The following AVEN variants were observed in gnomAD, a reference collection of about 807,000 sequenced individuals.
AVEN encodes the protein cell death regulator Aven.
Under a neutral mutation model 38.1 loss-of-function variants are expected in AVEN, and 41 were observed. That is an observed-to-expected ratio of 1.08 (90% CI 0.84 to 1.40). The LOEUF is 1.40. AVEN is among the 40% of genes most tolerant of loss of function. AVEN has a pLI of 0.00. For synonymous variants in AVEN, 206 were observed against 171.8 expected, an observed-to-expected ratio of 1.20 and a Z score of -1.56; for missense variants, 605 against 438.8, an observed-to-expected ratio of 1.38 and a Z score of -3.38.
chr15:33,866,860 G>A, intron 5 of AVEN, 132 bp from the exon 6 acceptor site: 1 of 652,152 alleles, frequency 1.5e-6, no homozygotes, highest in Non-Finnish European at 2.6e-6. Flanking sequence ...AGATGATACA[G>A]TAATATCTAA....
At chr15:33,890,627 A>G (rs1239484821) in intron 2 of AVEN, among the ~76,000 whole-genome samples, 1 of 152,174 alleles carries the variant, frequency 6.6e-6, no homozygotes, top group African/African-American at 2.4e-5. Flanking sequence ...CTCAAATAAG[A>G]ACAAGTGGGA....
the AVEN span, chr15:33,853,019 C>G: frequency 6.3e-7 from 1 of 1,594,190 alleles, no homozygotes. Context: ...GAATGAAGAA[C>G]CAACCTTTTT....
chr15:34,024,659 T>A (rs1898366236), intron 1 of AVEN, among the ~76,000 whole-genome samples: 1 of 149,248 alleles, frequency 6.7e-6, no homozygotes, highest in Non-Finnish European at 1.5e-5. Context: ...GAGACCAGCC[T>A]GACCAACATG....
chr15:33,891,093 ACT>A (rs1237890602), intron 2 of AVEN, among the ~76,000 whole-genome samples: 1 of 151,622 alleles, frequency 6.6e-6, no homozygotes, highest in Non-Finnish European at 1.5e-5. Flanking sequence ...ACAGAGTGAG[ACT>A]CTGTCTGGAA....
intron 2 of AVEN, among the ~76,000 whole-genome samples, chr15:33,893,042 A>G (rs1892054407): frequency 6.6e-6 from 1 of 152,158 alleles, no homozygotes; most frequent in African/African-American, 2.4e-5. Context: ...GTATATAGGA[A>G]TGCCTGTGAT....
chr15:34,027,841 AAC>A (rs140322931), intron 1 of AVEN, among the ~76,000 whole-genome samples: 23,127 of 75,776 alleles, frequency 0.31, 1,995 homozygotes, highest in Non-Finnish European at 0.48. Flanking sequence ...AAAAAAAAAA[AAC>A]TGACAAAAAC....
chr15:33,899,560 C>G (rs569907934), intron 2 of AVEN, among the ~76,000 whole-genome samples: 44 of 146,616 alleles, frequency 3.0e-4, no homozygotes, highest in African/African-American at 1.0e-3. Context: ...ACCTCCGCCT[C>G]CCGGGTTCAT....
At chr15:33,888,349 T>C (rs954791129) in intron 2 of AVEN, among the ~76,000 whole-genome samples, 1 of 151,790 alleles carries the variant, frequency 6.6e-6, no homozygotes, top group Non-Finnish European at 1.5e-5. Context: ...TGAATCCAGG[T>C]TGGGGCAGAG....
chr15:34,039,534 ATT>A (rs1361422567), upstream of AVEN, among the ~76,000 whole-genome samples: 2 of 152,156 alleles, frequency 1.3e-5, no homozygotes, highest in African/African-American at 4.8e-5. Flanking sequence ...GTTTAATCTA[ATT>A]TTCAGCAACG....
intron 2 of AVEN, among the ~76,000 whole-genome samples, chr15:33,995,654 G>A (rs1206987715): frequency 2.0e-5 from 3 of 152,228 alleles, no homozygotes; most frequent in Non-Finnish European, 4.4e-5. Context: ...TTACTGAAAT[G>A]ACTAAATGAA....
chr15:33,989,390 A>G (rs878955574), intron 2 of AVEN, among the ~76,000 whole-genome samples: 1 of 152,044 alleles, frequency 6.6e-6, no homozygotes, highest in Admixed American at 6.6e-5. Flanking sequence ...TGATCGTCAC[A>G]ACTACCCCTA....
intron 5 of AVEN, among the ~76,000 whole-genome samples, chr15:33,867,041 ACCTTAGGCC>A (rs777912828): frequency 8.5e-5 from 13 of 152,136 alleles, no homozygotes; most frequent in Non-Finnish European, 1.8e-4. Flanking sequence ...TGTGGCAATC[ACCTTAGGCC>A]CCTCTACATC....
At chr15:33,861,562 T>C (rs1888227069), downstream of AVEN, among the ~76,000 whole-genome samples, 1 of 152,170 alleles carries the variant, frequency 6.6e-6, no homozygotes, top group Non-Finnish European at 1.5e-5. Flanking sequence ...TTTTTCCCTT[T>C]CAGCACAATT....
At chr15:34,043,065 G>C (rs1285185179), upstream of AVEN, among the ~76,000 whole-genome samples, 1 of 151,980 alleles carries the variant, frequency 6.6e-6, no homozygotes, top group African/African-American at 2.4e-5. Flanking sequence ...GGCTAACACA[G>C]TGAAACCCCG....
chr15:34,013,175 T>G (rs1451547853), intron 1 of AVEN, among the ~76,000 whole-genome samples: 2 of 151,954 alleles, frequency 1.3e-5, no homozygotes, highest in African/African-American at 2.4e-5. Context: ...GATTCTCATG[T>G]CTCAGCCTCC....
At chr15:33,983,435 C>T (rs1408091526) in intron 2 of AVEN, among the ~76,000 whole-genome samples, 1 of 151,792 alleles carries the variant, frequency 6.6e-6, no homozygotes, top group Admixed American at 6.6e-5. Flanking sequence ...GGGTCAATGA[C>T]ACAAGAATAG....
intron 2 of AVEN, among the ~76,000 whole-genome samples, chr15:33,985,823 T>C (rs1410306735): frequency 6.6e-6 from 1 of 152,138 alleles, no homozygotes; most frequent in Non-Finnish European, 1.5e-5. Flanking sequence ...TTCTATTAAT[T>C]TCTAGGAAAT....
chr15:33,985,761 T>C (rs1443572559), intron 2 of AVEN, among the ~76,000 whole-genome samples: 1 of 152,160 alleles, frequency 6.6e-6, no homozygotes, highest in Non-Finnish European at 1.5e-5. Context: ...CAAAGACTAC[T>C]GTTCCCAATT....
chr15:33,916,666 A>G (rs1427680742), intron 2 of AVEN, among the ~76,000 whole-genome samples: 1 of 152,216 alleles, frequency 6.6e-6, no homozygotes, highest in East Asian at 1.9e-4. Context: ...AAGAACGGCC[A>G]TAATAAAAAA....
Sources: allele counts gnomAD v4.1 joint callset (sites outside exome capture counted in the v4.1 genomes callset), GRCh38; gene constraint gnomAD v4.1.1; transcripts MANE v1.5; gene names NCBI Gene and HGNC (gene_info 2026-07-23, HGNC 2026-07-21).